ANKRD30B: variants seen among roughly 807,000 people sequenced by gnomAD.
The protein encoded by ANKRD30B is ankyrin repeat domain 30B.
In ANKRD30B, 144 loss-of-function variants were observed where a neutral mutation model predicts 202.2. The observed-to-expected ratio is 0.71, with a 90% CI of 0.62 to 0.82. The LOEUF (loss-of-function observed/expected upper bound fraction) is 0.82. ANKRD30B is among the 40% of genes least tolerant of loss of function. ANKRD30B has a pLI of 0.00. For synonymous variants in ANKRD30B, 508 were observed against 561.3 expected, an observed-to-expected ratio of 0.91 and a Z score of 1.34; for missense variants, 1,487 against 1,669.1, an observed-to-expected ratio of 0.89 and a Z score of 1.90.
chr18:14,926,923 TTGTGTGTG>T, the ANKRD30B span, among the ~76,000 whole-genome samples: 1 of 147,668 alleles, frequency 6.8e-6, no homozygotes, highest in Non-Finnish European at 1.5e-5. Flanking sequence ...TGAGCAAGGG[TTGTGTGTG>T]TGTGTGTGTG....
chr18:14,820,142 C>G (rs1471021599), intron 30 of ANKRD30B, among the ~76,000 whole-genome samples: 1 of 152,088 alleles, frequency 6.6e-6, no homozygotes, highest in Non-Finnish European at 1.5e-5. Context: ...TGGGAGTTCA[C>G]TCATGATTTG....
At chr18:14,882,684 T>C in the ANKRD30B span, among the ~76,000 whole-genome samples, 1 of 152,062 alleles carries the variant, frequency 6.6e-6, no homozygotes, top group Admixed American at 6.6e-5. Flanking sequence ...TGATGATCTG[T>C]CTAGTGCTGT....
chr18:14,859,052 C>T (rs1404647022), downstream of ANKRD30B, among the ~76,000 whole-genome samples: 1 of 124,310 alleles, frequency 8.0e-6, no homozygotes, highest in African/African-American at 3.2e-5. Context: ...TGCTCCTCGC[C>T]TCCCACATGG....
At chr18:14,843,990 C>T (rs1262306681) in intron 39 of ANKRD30B, among the ~76,000 whole-genome samples, 2 of 151,866 alleles carry the variant, frequency 1.3e-5, no homozygotes, top group Non-Finnish European at 2.9e-5. Context: ...CATATGTGCA[C>T]GGTCATAGAT....
intron 22 of ANKRD30B, among the ~76,000 whole-genome samples, chr18:14,800,127 G>A (rs1215506749): frequency 6.6e-6 from 1 of 151,066 alleles, no homozygotes; most frequent in East Asian, 1.9e-4. Flanking sequence ...AGCTATTCTG[G>A]AGGCTGAGGC....
At chr18:14,934,162 A>G in the ANKRD30B span, among the ~76,000 whole-genome samples, 3 of 152,178 alleles carry the variant, frequency 2.0e-5, no homozygotes, top group African/African-American at 2.4e-5. Flanking sequence ...TGCTGACTCC[A>G]CTGCAGGCTG....
the ANKRD30B span, among the ~76,000 whole-genome samples, chr18:14,903,003 A>G: frequency 1.3e-5 from 2 of 152,186 alleles, no homozygotes; most frequent in Non-Finnish European, 2.9e-5. Context: ...CACAGTAGAG[A>G]TGGCCTGAGT....
At chr18:14,805,714 G>A (rs1404253936) in intron 24 of ANKRD30B, among the ~76,000 whole-genome samples, 1 of 150,868 alleles carries the variant, frequency 6.6e-6, no homozygotes, top group Non-Finnish European at 1.5e-5. Flanking sequence ...AAGACACATG[G>A]TGTAGCATTC....
chr18:14,794,995 G>C (rs1968776109), intron 16 of ANKRD30B, among the ~76,000 whole-genome samples: 3 of 152,110 alleles, frequency 2.0e-5, no homozygotes, highest in Non-Finnish European at 2.9e-5. Context: ...TTCTATAAAA[G>C]CTTTTTCATA....
intron 10 of ANKRD30B, among the ~76,000 whole-genome samples, chr18:14,779,498 T>G (rs1967585387): frequency 6.6e-6 from 1 of 152,224 alleles, no homozygotes; most frequent in Admixed American, 6.5e-5. Flanking sequence ...TTTCCTAATA[T>G]CAAAAAGTTA....
chr18:14,907,141 ATGT>A, the ANKRD30B span, among the ~76,000 whole-genome samples: 1 of 152,052 alleles, frequency 6.6e-6, no homozygotes, highest in Admixed American at 6.6e-5. Flanking sequence ...GTCTGTGTTG[ATGT>A]TAATGCTGGA....
the ANKRD30B span, among the ~76,000 whole-genome samples, chr18:14,911,745 CCAATCCATGAG>C: frequency 6.6e-6 from 1 of 152,144 alleles, no homozygotes; most frequent in Admixed American, 6.5e-5. Flanking sequence ...ATTAATTCTT[CCAATCCATGAG>C]CATGGGAAGT....
At chr18:14,891,610 C>T in the ANKRD30B span, among the ~76,000 whole-genome samples, 432 of 150,258 alleles carry the variant, frequency 2.9e-3, 5 homozygotes, top group African/African-American at 9.7e-3. Context: ...ACAGCAAACA[C>T]GTCCATATAT....
At chr18:14,936,635 A>G in the ANKRD30B span, among the ~76,000 whole-genome samples, 2 of 152,132 alleles carry the variant, frequency 1.3e-5, no homozygotes, top group African/African-American at 4.8e-5. Context: ...GGCAATTCTC[A>G]TCTAGGCTGT....
the ANKRD30B span, among the ~76,000 whole-genome samples, chr18:14,881,764 C>T: frequency 7.9e-5 from 12 of 151,912 alleles, no homozygotes; most frequent in South Asian, 2.5e-3. Context: ...TTAAAATTAC[C>T]ATTTCAATCT....
the ANKRD30B span, among the ~76,000 whole-genome samples, chr18:14,874,953 T>G: frequency 6.6e-6 from 1 of 152,330 alleles, no homozygotes; most frequent in South Asian, 2.1e-4. Flanking sequence ...AGGCCGCTGA[T>G]GCTGGGAAGA....
At chr18:14,868,102 T>C in the ANKRD30B span, among the ~76,000 whole-genome samples, 36 of 152,190 alleles carry the variant, frequency 2.4e-4, no homozygotes, top group African/African-American at 8.2e-4. Flanking sequence ...GGTAGGAGCC[T>C]TGGAGGGTGG....
At chr18:14,892,541 C>T in the ANKRD30B span, among the ~76,000 whole-genome samples, 8 of 151,972 alleles carry the variant, frequency 5.3e-5, no homozygotes, top group Non-Finnish European at 8.8e-5. Flanking sequence ...GAGTTCAATA[C>T]TAACCTGGCC....
chr18:14,917,079 C>G, the ANKRD30B span, among the ~76,000 whole-genome samples: 2 of 152,206 alleles, frequency 1.3e-5, no homozygotes, highest in East Asian at 3.9e-4. Flanking sequence ...AGCCAGCCAC[C>G]TCTCTGCCAG....
Sources: allele counts gnomAD v4.1 joint callset (sites outside exome capture counted in the v4.1 genomes callset), GRCh38; gene constraint gnomAD v4.1.1; transcripts MANE v1.5; gene names NCBI Gene and HGNC (gene_info 2026-07-23, HGNC 2026-07-21).